The following SMARCB1 variants were observed in gnomAD, a reference collection of about 807,000 sequenced individuals.
SMARCB1 encodes the protein SWI/SNF related BAF chromatin remodeling complex subunit B1.
In SMARCB1, 5 loss-of-function variants were observed where a neutral mutation model predicts 49.0. The observed-to-expected ratio is 0.10, with a 90% CI of 0.05 to 0.21. The LOEUF (loss-of-function observed/expected upper bound fraction) is 0.21, where lower values mean the gene tolerates loss of function less well. SMARCB1 is among the 10% of genes least tolerant of loss of function. SMARCB1 has a pLI of 1.00. For synonymous variants in SMARCB1, 201 were observed against 200.1 expected, an observed-to-expected ratio of 1.00 and a Z score of -0.04; for missense variants, 226 against 509.2, an observed-to-expected ratio of 0.44 and a Z score of 5.35.
At chr22:23,825,010 G>C (rs918902803) in intron 6 of SMARCB1, 9 of 609,190 alleles carry the variant, frequency 1.5e-5, no homozygotes, top group East Asian at 2.8e-5. Flanking sequence ...GAGGGTGACT[G>C]TGCTGGGCCC....
At chr22:23,792,376 C>T in intron 2 of SMARCB1, 1 of 307,170 alleles carries the variant, frequency 3.3e-6, no homozygotes, top group Non-Finnish European at 6.4e-6. Context: ...GTCCCTGCTC[C>T]TGGTGGCCTG....
chr22:23,826,820 G>A (rs2030404635), intron 7 of SMARCB1, among the ~76,000 whole-genome samples: 1 of 152,196 alleles, frequency 6.6e-6, no homozygotes, highest in South Asian at 2.1e-4. Flanking sequence ...CAAGGGCCCG[G>A]GCCTGGGAAA....
intron 5 of SMARCB1, chr22:23,816,423 T>C: frequency 4.2e-6 from 2 of 474,370 alleles, no homozygotes; most frequent in East Asian, 4.1e-5. Context: ...AGTAGAGAGA[T>C]GGCACGCAAG....
At chr22:23,801,726 G>C in intron 4 of SMARCB1, 1 of 253,440 alleles carries the variant, frequency 3.9e-6, no homozygotes, top group East Asian at 9.6e-5. Context: ...ATGTAATTTA[G>C]GGCCCTTCTG....
Position 23,835,997 on chromosome 22 carries a change from G to A in SMARCB1, c.*1817G>A. ...AACCTGTCTTTGGAGGAGGCCCCGT[G>A]CCACTGAGCATCCAGAAATAAACCA... On this transcript the variant is annotated 3_prime_UTR_variant, in exon 9 of 9. Transcript: ENST00000644036. 3 of 985,506 alleles carry A rather than the reference G, an allele frequency of 3.0e-6. No homozygotes were observed. The highest frequency in any genetic ancestry group is 3.6e-6 in the Non-Finnish European group (3 of 829,958). The allele number at this position is 985,506 out of a possible 1,614,324, so 61.0% of individuals were successfully genotyped here.
At position 23,834,377 on chromosome 22, in the gene SMARCB1, A is replaced by ACCCCCCCC; in HGVS notation, c.*200_*201insCCCCCCCC. On this transcript the variant is annotated 3_prime_UTR_variant, in exon 9 of 9. Transcript: ENST00000644036. The stretch of plus-strand genomic sequence containing the variant: ...GAGCCCCAGTCCTGCCCCCCACCCC[A>ACCCCCCCC]CCCTCCCTACCCCTCCCCAGTCTCT... The ACCCCCCCC allele has an allele frequency of 6.8e-6, 2 of 295,924 alleles. No homozygotes were observed. Among genetic ancestry groups the ACCCCCCCC allele is most frequent in the South Asian group, 3.7e-5 (1 of 27,148 alleles). 18.3% of individuals were successfully genotyped at this position (295,924 alleles called of 1,614,324 possible).
chr22:23,787,681 A>G (rs1450248079), intron 1 of SMARCB1, among the ~76,000 whole-genome samples: 1 of 152,042 alleles, frequency 6.6e-6, no homozygotes. Flanking sequence ...GGGAACCTCA[A>G]ATGGCAGGCT....
intron 5 of SMARCB1, among the ~76,000 whole-genome samples, chr22:23,810,702 T>C (rs1442601855): frequency 6.6e-6 from 1 of 152,038 alleles, no homozygotes; most frequent in Non-Finnish European, 1.5e-5. Context: ...ATTGTAACAG[T>C]ATCTGATACG....
At position 23,815,682 on chromosome 22, in the gene SMARCB1, T is replaced by C. The variant is rs1930151419; in HGVS notation, c.629-1088T>C. ...GAAACTGGAAATGATCTAGATAGCC[T>C]TCAGTGAGTGAATAGTTAAAGTGAG... On this transcript the variant is annotated intron_variant, in intron 5 of 8. Transcript: ENST00000644036. 2 of 152,178 alleles carry C rather than the reference T, an allele frequency of 1.3e-5. 1 individual carries two copies. Among genetic ancestry groups the C allele is most frequent in the South Asian group, 4.1e-4 (2 of 4,834 alleles). The allele number at this position is 152,178 out of a possible 1,614,324, so 9.4% of individuals were successfully genotyped here. A position where few individuals can be genotyped will look rare whatever the true frequency, so the allele number is the denominator to read the frequency against.
chr22:23,834,814 C>T lies in SMARCB1; in HGVS notation c.*634C>T. ...TTCAGGAACAGCCCTAACCCTGCTC[C>T]CCTTGCTTGGCCTCAGGAAGGTGCC... is the stretch of plus-strand genomic sequence containing the variant. On this transcript the variant is annotated 3_prime_UTR_variant, in exon 9 of 9. Transcript: ENST00000644036. 1 of 1,608,384 alleles carries T rather than the reference C, an allele frequency of 6.2e-7. No homozygotes were observed. The highest frequency in any genetic ancestry group is 1.3e-5 in the African/African-American group (1 of 74,998).
chr22:23,836,117 C>T lies in SMARCB1; in HGVS notation c.*1937C>T. 4 of 985,442 alleles carry T rather than the reference C, an allele frequency of 4.1e-6. No homozygotes were observed. The highest frequency in any genetic ancestry group is 4.8e-6 in the Non-Finnish European group (4 of 829,954). The allele number at this position is 985,442 out of a possible 1,614,324, so 61.0% of individuals were successfully genotyped here. ...GGATAAGGCTCACACACGTCCTCAG[C>T]TAAAAAGGGCAGGAACAGAACCTTC... On this transcript the variant is annotated 3_prime_UTR_variant, in exon 9 of 9. Coordinates refer to ENST00000644036, the MANE Select transcript of SMARCB1 (RefSeq NM_003073.5).
rs1601382598 is a variant in SMARCB1 at position 23,787,230 on chromosome 22, G to A, written c.61G>A (p.Asp21Asn). The A allele has an allele frequency of 6.2e-7, 1 of 1,608,138 alleles. No homozygotes were observed. The highest frequency in any genetic ancestry group is 8.5e-7 in the Non-Finnish European group (1 of 1,176,524). ...GQKPVKFQLE[D>N]DGEFYMIGSE... The stretch of plus-strand genomic sequence containing the variant: ...GAAGCCCGTGAAGTTCCAGCTGGAG[G>A]ACGACGGCGAGTTCTACATGATCGG... Residue 21 changes from aspartate (D) to asparagine (N), a missense_variant, in exon 1 of 9, where the codon GAC becomes AAC. Transcript: ENST00000644036.
chr22:23,826,292 G>C (rs899171307), intron 7 of SMARCB1: 1 of 151,884 alleles, frequency 6.6e-6, no homozygotes, highest in African/African-American at 2.4e-5. Flanking sequence ...GGGCATGTTG[G>C]TACATGCCTG....
chr22:23,800,843 T>A, intron 3 of SMARCB1, 101 bp from the exon 4 acceptor site: 1 of 937,518 alleles, frequency 1.1e-6, no homozygotes, highest in Non-Finnish European at 1.8e-6. Context: ...GCCTCGAGCC[T>A]GACAGAGGTA....
At chr22:23,817,349 G>T (rs752700750) in intron 6 of SMARCB1, 9 of 294,378 alleles carry the variant, frequency 3.1e-5, no homozygotes, top group Non-Finnish European at 4.7e-5. Context: ...TTGCAAACTG[G>T]CCAGTTGAGA....
In SMARCB1 at chr22:23,801,609, G is replaced by C. The variant is rs1046685828; in HGVS notation, c.500+528G>C. On this transcript the variant is annotated intron_variant, in intron 4 of 8. Transcript: ENST00000644036. ...AGGCCATCGAGGCGATTCGGTCCTTGCTTCTTCCAGCTTTGGGGGCTGCCA... is the reference window on the plus strand; with the variant it reads ...AGGCCATCGAGGCGATTCGGTCCTTCCTTCTTCCAGCTTTGGGGGCTGCCA... 3.5e-5 allele frequency: 12 copies of C among 345,334 alleles called. No homozygotes were observed. The East Asian group carries it at 8.3e-4, about 24-fold the overall frequency. 21.4% of individuals were successfully genotyped at this position (345,334 alleles called of 1,614,324 possible).
At position 23,835,339 on chromosome 22, in the gene SMARCB1, G is replaced by A; in HGVS notation, c.*1159G>A. On this transcript the variant is annotated 3_prime_UTR_variant, in exon 9 of 9. Transcript: ENST00000644036. ...GAGAATGGGCACAGATCCGGGCACA[G>A]ATCCCAGCACAGACTGCTGCCACCC... The A allele has an allele frequency of 1.0e-6, 1 of 1,001,906 alleles. No individual in the cohort carries two copies. Among genetic ancestry groups the A allele is most frequent in the Non-Finnish European group, 1.2e-6 (1 of 841,330 alleles). 62.1% of individuals were successfully genotyped at this position (1,001,906 alleles called of 1,614,324 possible). A position where few individuals can be genotyped will look rare whatever the true frequency, so the allele number is the denominator to read the frequency against.
Position 23,834,864 on chromosome 22 carries a change from C to T in SMARCB1, c.*684C>T, listed in dbSNP as rs2030913282. 6.2e-7 allele frequency: 1 copy of T among 1,612,476 alleles called. No homozygotes were observed. The highest frequency in any genetic ancestry group is 1.3e-5 in the African/African-American group (1 of 74,952). On this transcript the variant is annotated 3_prime_UTR_variant, in exon 9 of 9. Transcript: ENST00000644036. ...CGCGAGCTCTCCTGCCGTCCCTGGG[C>T]CGCCCTGGCTCTGCTGTGTCCAGAT...
At chr22:23,792,022 G>T (rs1054142910) in intron 2 of SMARCB1, 128 bp downstream of exon 2, 3 of 1,000,578 alleles carry the variant, frequency 3.0e-6, no homozygotes, top group Non-Finnish European at 4.6e-6. Context: ...GCATCCCGGG[G>T]TGGGCCGCCC....
Sources: allele counts gnomAD v4.1 joint callset (sites outside exome capture counted in the v4.1 genomes callset), GRCh38; gene constraint gnomAD v4.1.1; transcripts MANE v1.5; gene names NCBI Gene and HGNC (gene_info 2026-07-23, HGNC 2026-07-21).